The following NFIB variants were observed in gnomAD, a reference collection of about 807,000 sequenced individuals.
The protein encoded by NFIB is nuclear factor I B.
In NFIB, 11 loss-of-function variants were observed where a neutral mutation model predicts 61.5. The ratio of observed to expected loss-of-function variants is 0.18; its 90% CI spans 0.11 to 0.30. The LOEUF is 0.30. Ranked by LOEUF, NFIB falls within the 10% of genes least tolerant of loss-of-function variation. The probability of loss-of-function intolerance (pLI) is 1.00; values close to 1 mark genes in which losing one functional copy is unlikely to be tolerated. For synonymous variants in NFIB, 260 were observed against 216.5 expected (o/e 1.20, Z -1.76); for missense variants, 471 against 608.9 (o/e 0.77, Z 2.38).
intron 6 of NFIB, among the ~76,000 whole-genome samples, chr9:14,138,580 T>C (rs2890978): frequency 1 from 151,467 of 152,206 alleles, 75,372 homozygotes; most frequent in Middle Eastern, 1. Context: ...GTTCGAAATA[T>C]TCAGATCTAT....
At chr9:14,167,088 G>T (rs897637193) in intron 3 of NFIB, among the ~76,000 whole-genome samples, 2 of 150,038 alleles carry the variant, frequency 1.3e-5, no homozygotes, top group African/African-American at 2.4e-5. Flanking sequence ...TGTGTCGGGG[G>T]GGGGGGGTTC....
chr9:14,407,906 T>C, the NFIB span, among the ~76,000 whole-genome samples: 4 of 152,116 alleles, frequency 2.6e-5, no homozygotes, highest in Non-Finnish European at 4.4e-5. Context: ...CGGTAGGTCT[T>C]GAACTCTTGG....
chr9:14,398,811 G>C (rs2061713958), exon 1 of NFIB: 1 of 512,516 alleles, frequency 2.0e-6, no homozygotes, highest in Non-Finnish European at 3.4e-6. Context: ...AGAGCAAGCT[G>C]TTAAAAACAA....
the NFIB span, among the ~76,000 whole-genome samples, chr9:14,453,831 C>G: frequency 0.046 from 7,032 of 151,744 alleles, 179 homozygotes; most frequent in Non-Finnish European, 0.054. Flanking sequence ...ACCTGTAATC[C>G]CAGCACTTTG....
chr9:14,094,074 T>C (rs777937640), intron 10 of NFIB: 16 of 152,026 alleles, frequency 1.1e-4, no homozygotes, highest in Non-Finnish European at 2.4e-4. Flanking sequence ...GCGAGGAAGT[T>C]AAGTGTCTTG....
the NFIB span, among the ~76,000 whole-genome samples, chr9:14,525,119 C>G: frequency 6.6e-6 from 1 of 152,160 alleles, no homozygotes; most frequent in East Asian, 1.9e-4. Flanking sequence ...CCTCCAATCC[C>G]AGAGCTCTAC....
At chr9:14,118,111 C>T (rs1025104742) in intron 8 of NFIB, among the ~76,000 whole-genome samples, 4 of 151,934 alleles carry the variant, frequency 2.6e-5, no homozygotes, top group African/African-American at 9.7e-5. Flanking sequence ...AAAAAATCTG[C>T]AGTTAACTAT....
intron 1 of NFIB, among the ~76,000 whole-genome samples, chr9:14,337,863 T>C (rs910528593): frequency 1.3e-5 from 2 of 152,222 alleles, no homozygotes; most frequent in Non-Finnish European, 2.9e-5. Context: ...AAATCCATAT[T>C]ATTATGGGTT....
chr9:14,157,254 T>C (rs771430183), intron 3 of NFIB, among the ~76,000 whole-genome samples: 15 of 152,114 alleles, frequency 9.9e-5, no homozygotes, highest in Non-Finnish European at 1.8e-4. Context: ...TCCAAAATGA[T>C]CCGCAAATCT....
Position 14,125,724 on chromosome 9 carries a change from A to G in NFIB, c.968T>C (p.Leu323Ser), listed in dbSNP as rs372943866. The G allele has an allele frequency of 7.4e-5, 120 of 1,614,032 alleles. No homozygotes were observed. Among genetic ancestry groups the G allele is most frequent in the Non-Finnish European group, 1.0e-4 (119 of 1,180,004 alleles). Residue 323 changes from leucine to serine, a missense_variant, in exon 7 of 11, where the codon TTG becomes TCG. Coordinates refer to ENST00000380953, the MANE Select transcript of NFIB (RefSeq NM_001190737.2). ...PTTMKKPEKP[L>S]FSSASPQDSS... is the part of the protein sequence containing the mutation. ...ATCCTGTGGAGATGCAGAGCTGAAC[A>G]ATGGCTTTTCAGGCTTCTTCATAGT...
chr9:14,414,381 G>C, the NFIB span, among the ~76,000 whole-genome samples: 1 of 144,038 alleles, frequency 6.9e-6, no homozygotes, highest in East Asian at 2.1e-4. Context: ...GTTGCAGTGA[G>C]CCAAGATTGC....
chr9:14,269,711 C>T (rs1331928799), intron 2 of NFIB, among the ~76,000 whole-genome samples: 3 of 152,166 alleles, frequency 2.0e-5, no homozygotes, highest in African/African-American at 7.2e-5. Context: ...TGTTACTCTA[C>T]ATATACCTAT....
At chr9:14,130,048 G>A (rs533676925) in intron 6 of NFIB, among the ~76,000 whole-genome samples, 2 of 152,166 alleles carry the variant, frequency 1.3e-5, no homozygotes, top group Non-Finnish European at 2.9e-5. Flanking sequence ...GATTTTAGAA[G>A]AAAAAACTTT....
chr9:14,290,283 T>C (rs770027810), intron 2 of NFIB, among the ~76,000 whole-genome samples: 4 of 152,070 alleles, frequency 2.6e-5, no homozygotes, highest in Non-Finnish European at 5.9e-5. Context: ...CCTAGGAAAC[T>C]GGAAAATTTG....
intron 2 of NFIB, among the ~76,000 whole-genome samples, chr9:14,206,262 G>A (rs1182490210): frequency 8.8e-5 from 13 of 148,180 alleles, no homozygotes; most frequent in Admixed American, 5.4e-4. Context: ...CGCAACCTCC[G>A]CCTCCCAAGG....
chr9:14,507,943 CACACAG>C, the NFIB span, among the ~76,000 whole-genome samples: 8,818 of 149,674 alleles, frequency 0.059, 280 homozygotes, highest in Non-Finnish European at 0.065. Context: ...GGCATAAACA[CACACAG>C]ACACAGACAC....
the NFIB span, among the ~76,000 whole-genome samples, chr9:14,495,475 CAG>C: frequency 1.5e-5 from 1 of 68,014 alleles, no homozygotes; most frequent in Non-Finnish European, 2.4e-5. Flanking sequence ...GTCTGAGAGA[CAG>C]AGTTAGAGAG....
At chr9:14,457,088 A>T in the NFIB span, among the ~76,000 whole-genome samples, 3 of 152,206 alleles carry the variant, frequency 2.0e-5, no homozygotes, top group African/African-American at 7.2e-5. Context: ...GCCAAGGGCA[A>T]TGTGTACTGT....
chr9:14,211,912 C>T (rs1463233138), intron 2 of NFIB, among the ~76,000 whole-genome samples: 3 of 152,200 alleles, frequency 2.0e-5, no homozygotes, highest in Non-Finnish European at 2.9e-5. Context: ...AAGATTAAAG[C>T]GTTTAAAGAA....
Sources: allele counts gnomAD v4.1 joint callset (sites outside exome capture counted in the v4.1 genomes callset), GRCh38; gene constraint gnomAD v4.1.1; transcripts MANE v1.5; gene names NCBI Gene and HGNC (gene_info 2026-07-23, HGNC 2026-07-21).